Variants in IREB2 observed in about 807,000 individuals in gnomAD.
IREB2 encodes iron-responsive element-binding protein 2.
A neutral mutation model predicts 118.8 loss-of-function variants in IREB2; 39 were observed. The ratio of observed to expected loss-of-function variants is 0.33; its 90% confidence interval spans 0.25 to 0.43. IREB2 has a LOEUF of 0.43. Among genes scored for constraint, IREB2 ranks in the 20% least tolerant of loss-of-function variants. IREB2 has a pLI of 1.00. For synonymous variants in IREB2, 372 were observed against 392.2 expected (o/e 0.95, Z 0.61); for missense variants, 900 against 1,147.3 (o/e 0.78, Z 3.11).
rs377395211 is a variant in IREB2 at position 78,478,376 on chromosome 15, A to C, written c.1275A>C (p.Ser425=). 60 of 1,604,954 alleles carry C rather than the reference A, an allele frequency of 3.7e-5. No individual in the cohort carries two copies. The highest frequency in any genetic ancestry group is 4.9e-5 in the Non-Finnish European group (58 of 1,171,772). ...TGTTTCGAAATGACCAGAATTCTTC[A>C]GGAGAACCTGAATACTCCCAGGTAT... ...VKLFRNDQNS[S]GEPEYSQVIQ... The change falls in exon 10 of 22, where the codon TCA becomes TCC. Residue 425 remains serine (S), a synonymous_variant. Coordinates refer to ENST00000258886, the MANE Select transcript of IREB2 (RefSeq NM_004136.4).
chr15:78,484,561 C>G (rs1173050282), intron 11 of IREB2, among the ~76,000 whole-genome samples, 200 bp from the exon 12 acceptor site: 1 of 152,184 alleles, frequency 6.6e-6, no homozygotes, highest in Non-Finnish European at 1.5e-5. Flanking sequence ...TGAACATCAC[C>G]AGACTCCTGT....
intron 7 of IREB2, 93 bp downstream of exon 7, chr15:78,472,017 C>G: frequency 1.1e-6 from 1 of 902,470 alleles, no homozygotes. Context: ...TGTATAGCCT[C>G]TTTGAGGCTC....
rs1400699361 is a variant in IREB2 at position 78,476,459 on chromosome 15, C to G, written c.1195+100C>G. ...CCTTATCCATGTTATTTACTATTCA[C>G]AAAATTACATTATGTTGAAACAACA... On this transcript the variant is annotated intron_variant, in intron 9 of 21. Coordinates refer to ENST00000258886, the MANE Select transcript of IREB2 (RefSeq NM_004136.4). 14 of 829,440 alleles carry G rather than the reference C, an allele frequency of 1.7e-5. No homozygotes were observed. In the Admixed American group the frequency reaches 2.5e-4, roughly 15 times the overall value. 51.4% of individuals were successfully genotyped at this position (829,440 alleles called of 1,614,324 possible).
rs150895278 is a variant in IREB2, at chr15:78,452,097, G to A, written c.107-10825G>A. Among the ~76,000 whole-genome samples the A allele has an allele frequency of 3.2e-3, 484 of 152,324 alleles. 5 individuals are homozygous for A. The highest frequency in any genetic ancestry group is 0.01 in the African/African-American group (433 of 41,572). ...GTATAGGGTTGGGGGACCACCTAGG[G>A]AACCTAAGTGAGAGATGATGTACTG... On this transcript the variant is annotated intron_variant, in intron 2 of 21. Transcript: ENST00000258886.
At position 78,487,812 on chromosome 15, in the gene IREB2, A is replaced by G. The variant is rs2051685947; in HGVS notation, c.1789A>G (p.Lys597Glu). The G allele has an allele frequency of 1.3e-6, 2 of 1,577,842 alleles. No individual in the cohort carries two copies. The highest frequency in any genetic ancestry group is 1.7e-6 in the Non-Finnish European group (2 of 1,147,900). ...PLSDAVLNAV[K>E]QGDLVTCGIL... is the part of the protein sequence containing the mutation. ...ATCAGACGCAGTTTTAAATGCAGTA[A>G]AACAGGTAAAATGTGTGGATTGGCA... Residue 597 changes from lysine (K) to glutamate (E), a missense_variant, in exon 14 of 22, where the codon AAA becomes GAA. Physicochemically the swap from Lys to Glu is moderately conservative, Grantham distance 56. Coordinates refer to ENST00000258886, the MANE Select transcript of IREB2 (RefSeq NM_004136.4).
chr15:78,497,262 C>G lies in IREB2; in HGVS notation c.2732C>G (p.Ser911Cys), dbSNP rs754689822. 1 of 1,613,932 alleles carries G rather than the reference C, an allele frequency of 6.2e-7. No homozygotes were observed. The highest frequency in any genetic ancestry group is 8.5e-7 in the Non-Finnish European group (1 of 1,179,832). ...SLGLSGRETF[S>C]LTFPEELSPG... The stretch of plus-strand genomic sequence containing the variant: ...GGCCTCTCCGGTAGAGAAACATTTT[C>G]TTTAACATTTCCTGAAGAACTGTCT... Residue 911 changes from serine to cysteine, a missense_variant, in exon 21 of 22, where the codon TCT becomes TGT. Coordinates refer to ENST00000258886, the MANE Select transcript of IREB2 (RefSeq NM_004136.4).
At chr15:78,487,555 GAGTT>G (rs1462321445) in intron 13 of IREB2, among the ~76,000 whole-genome samples, 174 bp from the exon 14 acceptor site, 1 of 152,202 alleles carries the variant, frequency 6.6e-6, no homozygotes, top group Non-Finnish European at 1.5e-5. Context: ...GCATGCCTGA[GAGTT>G]AGACTTGATT....
chr15:78,440,788 A>G (rs557228214), intron 2 of IREB2, among the ~76,000 whole-genome samples: 6 of 152,148 alleles, frequency 3.9e-5, no homozygotes, highest in South Asian at 4.2e-4. Flanking sequence ...GTTTGCCCCA[A>G]CCTACACACC....
At chr15:78,437,575 C>G (rs2568484), upstream of IREB2, 4,217 of 152,884 alleles carry the variant, frequency 0.028, 204 homozygotes, top group African/African-American at 0.097. Context: ...ATGAGCGACT[C>G]TTTCTGGTAA....
chr15:78,476,426 A>G, intron 9 of IREB2, 67 bp downstream of exon 9: 1 of 1,112,558 alleles, frequency 9.0e-7, no homozygotes, highest in South Asian at 2.0e-5. Context: ...ATATTTTATA[A>G]ATTACTACCT....
chr15:78,487,236 C>T (rs965315517), intron 13 of IREB2, among the ~76,000 whole-genome samples: 4 of 151,990 alleles, frequency 2.6e-5, no homozygotes, highest in African/African-American at 9.7e-5. Context: ...TTATTATAGC[C>T]AGGTCCTCTT....
chr15:78,473,728 G>A (rs1197597318), intron 8 of IREB2: 2 of 171,768 alleles, frequency 1.2e-5, no homozygotes, highest in African/African-American at 4.8e-5. Context: ...AAGGGGTAGA[G>A]CAAAGATTCC....
intron 13 of IREB2, among the ~76,000 whole-genome samples, 167 bp from the exon 14 acceptor site, chr15:78,487,566 G>C (rs1161652685): frequency 6.6e-6 from 1 of 152,188 alleles, no homozygotes; most frequent in East Asian, 1.9e-4. Flanking sequence ...AGTTAGACTT[G>C]ATTGCTCAGA....
intron 18 of IREB2, among the ~76,000 whole-genome samples, chr15:78,493,330 T>C (rs1401703458): frequency 6.6e-6 from 1 of 152,220 alleles, no homozygotes; most frequent in African/African-American, 2.4e-5. Context: ...ACAGTCAGCC[T>C]TGCAGAAGCC....
rs1201949068 is a variant in IREB2, at chr15:78,498,818, A to G, written c.*675A>G. The G allele has an allele frequency of 6.6e-6, 1 of 152,222 alleles. No individual in the cohort carries two copies. Among genetic ancestry groups the G allele is most frequent in the African/African-American group, 2.4e-5 (1 of 41,450 alleles). The allele number at this position is 152,222 out of a possible 1,614,324, so 9.4% of individuals were successfully genotyped here. A position where few individuals can be genotyped will look rare whatever the true frequency, so the allele number is the denominator to read the frequency against. ...TGATTGTGTGGCACCATGTATTAGCAGTGGGAATATGTATCACATATGATG... is the reference window on the plus strand; with the variant it reads ...TGATTGTGTGGCACCATGTATTAGCGGTGGGAATATGTATCACATATGATG... On this transcript the variant is annotated 3_prime_UTR_variant, in exon 22 of 22. Transcript: ENST00000258886.
chr15:78,455,557 C>T (rs1009414546), intron 2 of IREB2, among the ~76,000 whole-genome samples: 2 of 145,186 alleles, frequency 1.4e-5, no homozygotes, highest in African/African-American at 2.5e-5. Flanking sequence ...ATAGGAAAAT[C>T]CCATCTCTAT....
chr15:78,438,743 T>C, intron 1 of IREB2: 1 of 305,500 alleles, frequency 3.3e-6, no homozygotes, highest in Non-Finnish European at 6.3e-6. Flanking sequence ...GGGGCCTGCG[T>C]CTCCGTGTTC....
intron 10 of IREB2, among the ~76,000 whole-genome samples, chr15:78,478,865 A>T (rs1461070984): frequency 1.3e-5 from 2 of 152,132 alleles, no homozygotes; most frequent in Non-Finnish European, 2.9e-5. Context: ...ACCTCTAAGG[A>T]TTCTTAGATA....
chr15:78,448,602 C>T (rs1312648036), intron 2 of IREB2, among the ~76,000 whole-genome samples: 1 of 152,242 alleles, frequency 6.6e-6, no homozygotes, highest in Non-Finnish European at 1.5e-5. Flanking sequence ...TTACTTGACT[C>T]TAGTCAGACA....
Sources: allele counts gnomAD v4.1 joint callset (sites outside exome capture counted in the v4.1 genomes callset), GRCh38; gene constraint gnomAD v4.1.1; transcripts MANE v1.5; gene names NCBI Gene and HGNC (gene_info 2026-07-23, HGNC 2026-07-21).